Variants in AJAP1 observed in about 807,000 individuals in gnomAD.
AJAP1 encodes the protein adherens junctions associated protein 1, also known as adherens junction-associated protein 1.
In AJAP1, 5 loss-of-function variants were observed where a neutral mutation model predicts 35.0. The observed-to-expected ratio is 0.14, with a 90% CI of 0.07 to 0.30. The LOEUF (loss-of-function observed/expected upper bound fraction) is 0.30, where lower values mean the gene tolerates loss of function less well. Ranked by LOEUF, AJAP1 falls within the 10% of genes least tolerant of loss-of-function variation. The pLI, the probability that AJAP1 is intolerant of heterozygous loss-of-function variation, is 1.00. For missense variants in AJAP1, 586 were observed against 571.0 expected, an observed-to-expected ratio of 1.03 and a Z score of -0.27; for synonymous variants, 284 against 249.3, an observed-to-expected ratio of 1.14 and a Z score of -1.31.
chr1:4,763,264 G>A (rs1641612275), intron 2 of AJAP1, among the ~76,000 whole-genome samples: 1 of 152,214 alleles, frequency 6.6e-6, no homozygotes, highest in African/African-American at 2.4e-5. Flanking sequence ...ACCTGCCTAG[G>A]CCCTTTGGGG....
In AJAP1 at chr1:4,712,581, C is replaced by G. The variant is rs773983737; in HGVS notation, c.711C>G (p.Thr237=). The change falls in exon 2 of 6, where the codon ACC becomes ACG. Residue 237 remains threonine (T), a synonymous_variant. Coordinates refer to ENST00000378191, the MANE Select transcript of AJAP1 (RefSeq NM_018836.4). The part of the protein sequence containing the change: ...TPMTLQTKGF[T]ESLDPRRRIP... ...TGACGCTGCAGACTAAGGGGTTCAC[C>G]GAGTCCTTGGATCCCCGGAGAAGGA... 2 of 1,608,872 alleles carry G rather than the reference C, an allele frequency of 1.2e-6. No individual in the cohort carries two copies. The highest frequency in any genetic ancestry group is 1.1e-5 in the South Asian group (1 of 90,118).
intron 1 of AJAP1, among the ~76,000 whole-genome samples, chr1:4,673,818 C>A (rs530583348): frequency 9.2e-5 from 14 of 152,018 alleles, no homozygotes; most frequent in Non-Finnish European, 1.8e-4. Context: ...GTCCTCTGAT[C>A]AAGGCTTTAT....
intron 1 of AJAP1, among the ~76,000 whole-genome samples, chr1:4,682,996 C>G (rs1188127961): frequency 1.3e-5 from 2 of 152,176 alleles, no homozygotes. Context: ...CAGTCCAGGC[C>G]CCAGTTGGCC....
intron 2 of AJAP1, among the ~76,000 whole-genome samples, chr1:4,742,242 C>T (rs1641085196): frequency 1.3e-5 from 2 of 152,206 alleles, no homozygotes; most frequent in Non-Finnish European, 2.9e-5. Context: ...GTCACCCCCT[C>T]TCCAGTAAAA....
At position 4,782,511 on chromosome 1, in the gene AJAP1, C is replaced by G. The variant is rs2100377971; in HGVS notation, c.*60-34C>G. The G allele has an allele frequency of 2.7e-6, 1 of 364,384 alleles. No individual in the cohort carries two copies. Among genetic ancestry groups the G allele is most frequent in the East Asian group, 3.9e-5 (1 of 25,698 alleles). The allele number at this position is 364,384 out of a possible 1,614,324, so 22.6% of individuals were successfully genotyped here. A position where few individuals can be genotyped will look rare whatever the true frequency, so the allele number is the denominator to read the frequency against. ...GACTTGTCGCGCCCTCGGCGTGCTG[C>G]CATTTAATCTCTTCTTGTTTTCTTT... On this transcript the variant is annotated intron_variant, in intron 5 of 5. Transcript: ENST00000378191. The surrounding 1 kb of genome is among the most constrained non-coding windows in gnomAD (Gnocchi z 5.3).
At chr1:4,739,253 T>C (rs142579319) in intron 2 of AJAP1, among the ~76,000 whole-genome samples, 4 of 152,336 alleles carry the variant, frequency 2.6e-5, no homozygotes, top group Non-Finnish European at 4.4e-5. Flanking sequence ...TTGCTCACAA[T>C]GCTGCAAACC....
intron 2 of AJAP1, among the ~76,000 whole-genome samples, chr1:4,742,612 T>C (rs1288518935): frequency 6.6e-6 from 1 of 152,040 alleles, no homozygotes; most frequent in South Asian, 2.1e-4. Context: ...AAGTTCGAAA[T>C]TTTTTTTAAC....
intron 5 of AJAP1, chr1:4,777,933 C>T (rs954312989): frequency 7.9e-5 from 12 of 152,172 alleles, no homozygotes; most frequent in Non-Finnish European, 1.6e-4. Flanking sequence ...AACAGTACCA[C>T]GAAAACTTTG....
intron 2 of AJAP1, among the ~76,000 whole-genome samples, chr1:4,721,774 G>A (rs1640521108): frequency 6.6e-6 from 1 of 152,200 alleles, no homozygotes; most frequent in Non-Finnish European, 1.5e-5. Context: ...CCGAGTTTGT[G>A]ATGGATTTTG....
At chr1:4,684,534 C>A (rs534693915) in intron 1 of AJAP1, among the ~76,000 whole-genome samples, 3 of 152,250 alleles carry the variant, frequency 2.0e-5, no homozygotes, top group African/African-American at 7.2e-5. Flanking sequence ...CTCAGGGGGA[C>A]CTTCTTTCCA....
chr1:4,758,173 T>A (rs918229912), intron 2 of AJAP1, among the ~76,000 whole-genome samples: 2 of 152,164 alleles, frequency 1.3e-5, no homozygotes, highest in African/African-American at 4.8e-5. Flanking sequence ...CATGTTTCCC[T>A]TATAAATTAC....
Position 4,655,316 on chromosome 1 carries a change from C to A in AJAP1, c.-110C>A, listed in dbSNP as rs934302669. On this transcript the variant is annotated 5_prime_UTR_variant, in exon 1 of 6. Coordinates refer to ENST00000378191, the MANE Select transcript of AJAP1 (RefSeq NM_018836.4). The surrounding 1 kb of genome is among the most constrained non-coding windows in gnomAD (Gnocchi z 6.9). ...GCGGCCGGCGGGCGGCGGGAGGCGG[C>A]GGACCGAGAGCCGGAGACCGGCGCC... 5.9e-5 allele frequency: 55 copies of A among 939,222 alleles called. No individual in the cohort carries two copies. The highest frequency in any genetic ancestry group is 7.2e-5 in the Non-Finnish European group (53 of 736,986). 58.2% of individuals were successfully genotyped at this position (939,222 alleles called of 1,614,324 possible). A position where few individuals can be genotyped will look rare whatever the true frequency, so the allele number is the denominator to read the frequency against.
chr1:4,738,625 G>A (rs910144694), intron 2 of AJAP1, among the ~76,000 whole-genome samples: 4 of 152,294 alleles, frequency 2.6e-5, no homozygotes, highest in Non-Finnish European at 4.4e-5. Context: ...TGGCAGCACC[G>A]CGGGGGTGTG....
At position 4,690,598 on chromosome 1, in the gene AJAP1, G is replaced by A. The variant is rs369183219; in HGVS notation, c.30-21302G>A. Among the ~76,000 whole-genome samples, 7 of 152,336 alleles carry A rather than the reference G, an allele frequency of 4.6e-5. No homozygotes were observed. The East Asian group carries it at 9.7e-4, about 21-fold the overall frequency. On this transcript the variant is annotated intron_variant, in intron 1 of 5. Transcript: ENST00000378191. ...ACGGTGTCCCCCACTTTTATTGGGTGTCACTGTGCCTGAGTCCTGGATCCA... is the reference window on the plus strand; with the variant it reads ...ACGGTGTCCCCCACTTTTATTGGGTATCACTGTGCCTGAGTCCTGGATCCA...
At chr1:4,759,705 T>C (rs1641521077) in intron 2 of AJAP1, among the ~76,000 whole-genome samples, 1 of 152,162 alleles carries the variant, frequency 6.6e-6, no homozygotes, top group Non-Finnish European at 1.5e-5. Flanking sequence ...AAGAGCGAGG[T>C]GCAGGCAGGC....
At chr1:4,705,795 A>C (rs1236400107) in intron 1 of AJAP1, among the ~76,000 whole-genome samples, 2 of 152,108 alleles carry the variant, frequency 1.3e-5, no homozygotes, top group African/African-American at 4.8e-5. Context: ...ATCACAGCCA[A>C]GAGGAGCCAA....
At chr1:4,717,442 C>T (rs1375527663) in intron 2 of AJAP1, among the ~76,000 whole-genome samples, 1 of 152,182 alleles carries the variant, frequency 6.6e-6, no homozygotes, top group African/African-American at 2.4e-5. Context: ...TCTAGGTTCC[C>T]ATCATCATTC....
intron 4 of AJAP1, among the ~76,000 whole-genome samples, chr1:4,773,077 A>T (rs972970718): frequency 2.6e-5 from 4 of 152,340 alleles, no homozygotes; most frequent in Middle Eastern, 3.4e-3. Flanking sequence ...GGGAATATTT[A>T]AAAAAACCCT....
At chr1:4,746,814 C>G (rs1185983976) in intron 2 of AJAP1, among the ~76,000 whole-genome samples, 1 of 152,144 alleles carries the variant, frequency 6.6e-6, no homozygotes, top group African/African-American at 2.4e-5. Flanking sequence ...TGTGTGCTCC[C>G]CAGCCTGGGA....
Sources: allele counts gnomAD v4.1 joint callset (sites outside exome capture counted in the v4.1 genomes callset), GRCh38; gene constraint gnomAD v4.1.1; non-coding constraint Gnocchi (gnomAD v3.1); transcripts MANE v1.5; gene names NCBI Gene and HGNC (gene_info 2026-07-23, HGNC 2026-07-21).